Variants in CSMD3 observed in about 807,000 individuals in gnomAD.
The protein encoded by CSMD3 is CUB and Sushi multiple domains 3.
Under a neutral mutation model 435.2 loss-of-function variants are expected in CSMD3, and 177 were observed. The ratio of observed to expected loss-of-function variants is 0.41; its 90% CI spans 0.36 to 0.46. The LOEUF is 0.46. Ranked by LOEUF, CSMD3 falls within the 20% of genes least tolerant of loss-of-function variation. The pLI, the probability that CSMD3 is intolerant of heterozygous loss-of-function variation, is 0.34. For missense variants in CSMD3, 4,265 were observed against 4,504.6 expected (o/e 0.95, Z 1.52); for synonymous variants, 1,656 against 1,520.5 (o/e 1.09, Z -2.07).
intron 32 of CSMD3, among the ~76,000 whole-genome samples, chr8:112,432,509 C>T (rs1221225989): frequency 6.6e-6 from 1 of 151,916 alleles, no homozygotes; most frequent in Non-Finnish European, 1.5e-5. Flanking sequence ...TATAGAGTCT[C>T]ACTATGTTAC....
intron 26 of CSMD3, 138 bp from the exon 27 acceptor site, chr8:112,551,011 T>G: frequency 1.5e-6 from 1 of 656,316 alleles, no homozygotes; most frequent in Admixed American, 2.6e-5. Context: ...ATAAACAGCA[T>G]ATATTCTTAA....
At chr8:113,310,293 A>G (rs2093857515) in intron 2 of CSMD3, 1 of 152,092 alleles carries the variant, frequency 6.6e-6, no homozygotes, top group Non-Finnish European at 1.5e-5. Context: ...GAGAATTTAT[A>G]AAACATCTAG....
intron 5 of CSMD3, among the ~76,000 whole-genome samples, chr8:113,068,445 G>C (rs1257389215): frequency 1.3e-5 from 2 of 152,078 alleles, no homozygotes; most frequent in Non-Finnish European, 2.9e-5. Flanking sequence ...ATTTCTCTAT[G>C]ATGGGCAGAG....
At chr8:113,095,707 A>C (rs759553375) in intron 5 of CSMD3, among the ~76,000 whole-genome samples, 10 of 152,182 alleles carry the variant, frequency 6.6e-5, no homozygotes, top group Non-Finnish European at 1.5e-4. Context: ...AAAATGATAC[A>C]TACAGTTTAA....
At chr8:113,208,826 GTA>G (rs2092800553) in intron 3 of CSMD3, among the ~76,000 whole-genome samples, 1 of 151,930 alleles carries the variant, frequency 6.6e-6, no homozygotes, top group Admixed American at 6.6e-5. Context: ...GAATATGTGT[GTA>G]TATGTATATT....
chr8:112,925,892 T>G (rs753678860), intron 9 of CSMD3, among the ~76,000 whole-genome samples: 42 of 152,216 alleles, frequency 2.8e-4, no homozygotes, highest in Non-Finnish European at 5.9e-4. Flanking sequence ...TATTTTAAAA[T>G]GCAGATTTAG....
At chr8:113,427,157 T>C (rs957614018) in intron 1 of CSMD3, among the ~76,000 whole-genome samples, 2 of 151,450 alleles carry the variant, frequency 1.3e-5, no homozygotes, top group African/African-American at 4.8e-5. Flanking sequence ...AGTTTAGAAA[T>C]GACAAAAGTA....
chr8:113,405,637 G>T (rs1425295355), intron 1 of CSMD3, among the ~76,000 whole-genome samples: 1 of 151,682 alleles, frequency 6.6e-6, no homozygotes, highest in Non-Finnish European at 1.5e-5. Flanking sequence ...TTTCAAGAGT[G>T]AAGTGAAATG....
chr8:112,385,528 C>T (rs1829858898), intron 36 of CSMD3, among the ~76,000 whole-genome samples: 1 of 140,638 alleles, frequency 7.1e-6, no homozygotes, highest in South Asian at 2.3e-4. Context: ...AAGTACAGCA[C>T]TGCATTGGGT....
chr8:113,215,142 C>T (rs997402712), intron 3 of CSMD3, among the ~76,000 whole-genome samples: 4 of 151,764 alleles, frequency 2.6e-5, no homozygotes, highest in Non-Finnish European at 4.4e-5. Flanking sequence ...GCTCACTGAT[C>T]TTTACTTACT....
rs570272226 is a variant in CSMD3, at chr8:113,431,136, T to A, written c.178+5541A>T. On this transcript the variant is annotated intron_variant, in intron 1 of 70. Coordinates refer to ENST00000297405, the MANE Select transcript of CSMD3 (RefSeq NM_198123.2). ...GCATGGAGGTAGGTATACCTGGAAA[T>A]ACCGTGAATCACCCACCTGCTCACT... is the stretch of plus-strand genomic sequence containing the variant. Among the ~76,000 whole-genome samples the A allele has an allele frequency of 5.3e-5, 8 of 152,284 alleles. No individual in the cohort carries two copies. The South Asian group carries it at 1.7e-3, about 32-fold the overall frequency.
chr8:112,371,137 T>A (rs911311857), intron 38 of CSMD3, among the ~76,000 whole-genome samples: 1 of 152,002 alleles, frequency 6.6e-6, no homozygotes, highest in African/African-American at 2.4e-5. Flanking sequence ...TGAGAGGAAG[T>A]GGGCAGAGGT....
chr8:113,432,152 C>T (rs1297146360), intron 1 of CSMD3, among the ~76,000 whole-genome samples: 1 of 152,166 alleles, frequency 6.6e-6, no homozygotes. Context: ...GCCTCCTCCC[C>T]AACCAGATGA....
At chr8:112,286,988 T>C (rs998055718) in intron 58 of CSMD3, 76 bp downstream of exon 58, 5 of 1,176,756 alleles carry the variant, frequency 4.2e-6, no homozygotes, top group Middle Eastern at 1.9e-4. Flanking sequence ...GTAATTTTCC[T>C]AGTAGTACTC....
At chr8:112,585,294 T>C (rs1018775823) in intron 23 of CSMD3, among the ~76,000 whole-genome samples, 2 of 151,648 alleles carry the variant, frequency 1.3e-5, no homozygotes, top group African/African-American at 2.4e-5. Flanking sequence ...GAAAATATAT[T>C]CTTGGAAAAT....
chr8:112,410,614 A>ATGTATATATATATGTGTATATATATATG (rs1563912951), intron 32 of CSMD3, among the ~76,000 whole-genome samples: 3 of 31,128 alleles, frequency 9.6e-5, no homozygotes, highest in Non-Finnish European at 1.9e-4. Context: ...GTATATATAT[A>ATGTATATATATATGTGTATATATATATG]TGTATATATA....
chr8:112,686,067 A>G (rs1339918439), intron 14 of CSMD3, among the ~76,000 whole-genome samples: 1 of 152,168 alleles, frequency 6.6e-6, no homozygotes, highest in African/African-American at 2.4e-5. Flanking sequence ...TTCCCATAGA[A>G]AGCAATAAGG....
intron 7 of CSMD3, among the ~76,000 whole-genome samples, chr8:112,973,170 A>G (rs2084721349): frequency 6.6e-6 from 1 of 151,974 alleles, no homozygotes; most frequent in African/African-American, 2.4e-5. Flanking sequence ...GCATTGATTA[A>G]TCACTGAAAG....
At chr8:112,894,054 A>G (rs563327952) in intron 10 of CSMD3, among the ~76,000 whole-genome samples, 2 of 151,494 alleles carry the variant, frequency 1.3e-5, no homozygotes, top group Non-Finnish European at 3.0e-5. Context: ...TAAAAACCAA[A>G]CAAACAAACA....
Sources: gnomAD v4.1 joint callset for allele counts (sites outside exome capture counted in the v4.1 genomes callset) on GRCh38, gnomAD v4.1.1 for gene constraint, MANE v1.5 for transcripts, NCBI Gene and HGNC (gene_info 2026-07-23, HGNC 2026-07-21) for gene names.